Variants in TRIM2 observed in about 807,000 individuals in gnomAD.
TRIM2 encodes tripartite motif containing 2.
A neutral mutation model predicts 75.2 loss-of-function variants in TRIM2; 20 were observed. That is an observed-to-expected ratio of 0.27 (90% CI 0.19 to 0.39). TRIM2 has a LOEUF of 0.39. TRIM2 is among the 10% of genes least tolerant of loss of function. The pLI is 1.00. For missense variants in TRIM2, 660 were observed against 990.8 expected, an observed-to-expected ratio of 0.67 and a Z score of 4.48; for synonymous variants, 373 against 388.3, an observed-to-expected ratio of 0.96 and a Z score of 0.46.
rs752709847 is a variant in TRIM2 at position 153,270,347 on chromosome 4, G to T, written c.43G>T (p.Gly15Trp). ...GRYGTQQQRA[G>W]SKTAGPPCQW... The stretch of plus-strand genomic sequence containing the variant: ...TTCTGTCTGACAGCAGCAGCGTGCA[G>T]GGTCAAAGACAGCCGGCCCCCCATG... The change falls in exon 2 of 12, where the codon GGG (glycine) becomes TGG (tryptophan). Residue 15 changes from glycine (G) to tryptophan (W), a missense_variant. Gly to Trp is a radical substitution (Grantham distance 184). This residue lies in a region of TRIM2 where 620 missense variants were observed against 891.0 expected (regional missense o/e 0.70). Coordinates refer to ENST00000338700, the MANE Select transcript of TRIM2 (RefSeq NM_015271.5). 4 of 1,612,234 alleles carry T rather than the reference G, an allele frequency of 2.5e-6. No homozygotes were observed. Among genetic ancestry groups the T allele is most frequent in the Admixed American group, 3.3e-5 (2 of 59,756 alleles).
In TRIM2 at chr4:153,164,570, C is replaced by T. The variant is rs908962931; in HGVS notation, c.-49+11300C>T. On this transcript the variant is annotated intron_variant, in intron 1 of 11. Coordinates refer to the TRIM2 transcript ENST00000437508. ...CATTCAAGAAAAAAAAAGATAAAAACAATCAAAGTCTCTTTCCTACCCTGG... is the reference window on the plus strand; with the variant it reads ...CATTCAAGAAAAAAAAAGATAAAAATAATCAAAGTCTCTTTCCTACCCTGG... Among the ~76,000 whole-genome samples, 4 of 152,172 alleles carry T rather than the reference C, an allele frequency of 2.6e-5. No individual in the cohort carries two copies. In the East Asian group the frequency reaches 5.8e-4, roughly 22 times the overall value.
chr4:153,278,744 G>A (rs1056595047), intron 3 of TRIM2, among the ~76,000 whole-genome samples: 2 of 150,630 alleles, frequency 1.3e-5, no homozygotes, highest in African/African-American at 4.9e-5. Context: ...GCTTCAGTGA[G>A]CCATGATTGC....
intron 6 of TRIM2, among the ~76,000 whole-genome samples, chr4:153,314,414 C>T (rs1308439560): frequency 1.8e-5 from 2 of 109,610 alleles, no homozygotes; most frequent in Admixed American, 9.2e-5. Flanking sequence ...AGCGAGACTC[C>T]GTCTCAAAAA....
chr4:153,192,902 A>C (rs1221630214), intron 1 of TRIM2, among the ~76,000 whole-genome samples: 2 of 152,186 alleles, frequency 1.3e-5, no homozygotes, highest in Admixed American at 6.5e-5. Context: ...TTTCTGGTTC[A>C]GACCAGCCCA....
chr4:153,338,013 T>C lies in TRIM2; in HGVS notation c.*3047T>C. On this transcript the variant is annotated 3_prime_UTR_variant, in exon 12 of 12. Transcript: ENST00000338700. ...CCATTTTTTTTAATGGTACTTAGTATTTTGATCAAACTTTAGTCTCCAGAA... is the reference window on the plus strand; with the variant it reads ...CCATTTTTTTTAATGGTACTTAGTACTTTGATCAAACTTTAGTCTCCAGAA... 1.0e-6 allele frequency: 1 copy of C among 985,852 alleles called. No individual in the cohort carries two copies. Among genetic ancestry groups the C allele is most frequent in the Non-Finnish European group, 1.2e-6 (1 of 829,920 alleles). 61.1% of individuals were successfully genotyped at this position (985,852 alleles called of 1,614,324 possible). A position where few individuals can be genotyped will look rare whatever the true frequency, so the allele number is the denominator to read the frequency against.
intron 1 of TRIM2, among the ~76,000 whole-genome samples, chr4:153,160,343 C>T (rs1369960345): frequency 2.0e-5 from 3 of 152,162 alleles, no homozygotes; most frequent in Non-Finnish European, 4.4e-5. Flanking sequence ...TAGAAATAAG[C>T]GCTTTTGAGA....
chr4:153,323,408 A>T (rs568926794), intron 9 of TRIM2, among the ~76,000 whole-genome samples: 35 of 152,294 alleles, frequency 2.3e-4, no homozygotes, highest in Middle Eastern at 3.4e-3. Flanking sequence ...ATATTTGTTT[A>T]TGCTTTGTCT....
intron 1 of TRIM2, among the ~76,000 whole-genome samples, chr4:153,254,348 G>A (rs1221382273): frequency 1.3e-5 from 2 of 152,142 alleles, no homozygotes; most frequent in African/African-American, 4.8e-5. Context: ...TACTTCTCCA[G>A]TGCACAAATC....
intron 1 of TRIM2, among the ~76,000 whole-genome samples, chr4:153,197,135 C>T (rs1733862106): frequency 6.6e-6 from 1 of 152,108 alleles, no homozygotes; most frequent in Non-Finnish European, 1.5e-5. Context: ...TTAGGCCTTG[C>T]CACCACTTTC....
chr4:153,170,067 A>G lies in TRIM2; in HGVS notation c.-49+16797A>G, dbSNP rs201380669. Reference sequence around the variant, plus strand: ...TTCAATCCACTGCATAGCAAAATACATGCTGAAGTGAATGGCCTGATTGTT... The same window carrying G: ...TTCAATCCACTGCATAGCAAAATACGTGCTGAAGTGAATGGCCTGATTGTT... On this transcript the variant is annotated intron_variant, in intron 1 of 11. Transcript: ENST00000437508. Among the ~76,000 whole-genome samples the G allele has an allele frequency of 1.2e-4, 19 of 152,334 alleles. No individual in the cohort carries two copies. The East Asian group carries it at 3.5e-3, about 28-fold the overall frequency.
intron 1 of TRIM2, among the ~76,000 whole-genome samples, chr4:153,196,623 G>A (rs950762409): frequency 5.3e-5 from 8 of 152,176 alleles, no homozygotes; most frequent in African/African-American, 1.9e-4. Flanking sequence ...ACTAGGTACT[G>A]CTCACACTTT....
At chr4:153,213,125 T>A (rs1233212207) in intron 1 of TRIM2, among the ~76,000 whole-genome samples, 1 of 152,200 alleles carries the variant, frequency 6.6e-6, no homozygotes, top group Non-Finnish European at 1.5e-5. Context: ...TTTATGTGTA[T>A]GAGCCAGTCA....
chr4:153,179,569 G>C (rs889768365), intron 1 of TRIM2, among the ~76,000 whole-genome samples: 1 of 152,102 alleles, frequency 6.6e-6, no homozygotes, highest in African/African-American at 2.4e-5. Context: ...AGCCCGCACT[G>C]CACAGACTTT....
At chr4:153,276,153 A>G (rs1462093731) in intron 3 of TRIM2, 23 bp downstream of exon 3, 2 of 1,597,490 alleles carry the variant, frequency 1.3e-6, no homozygotes, top group Non-Finnish European at 1.7e-6. Context: ...GATGGCAGAT[A>G]CTGCCCGGGA....
chr4:153,215,191 A>G (rs1738141118), intron 1 of TRIM2, among the ~76,000 whole-genome samples: 1 of 152,162 alleles, frequency 6.6e-6, no homozygotes, highest in South Asian at 2.1e-4. Flanking sequence ...ATGCCTGGCT[A>G]AAGTGCCACT....
At chr4:153,256,323 C>T (rs1168711128) in intron 1 of TRIM2, among the ~76,000 whole-genome samples, 1 of 152,222 alleles carries the variant, frequency 6.6e-6, no homozygotes, top group Admixed American at 6.5e-5. Context: ...CTCTGCAGAG[C>T]TGAGGCCCCT....
intron 9 of TRIM2, 38 bp downstream of exon 9, chr4:153,322,854 GCTT>G (rs1340920674): frequency 7.5e-6 from 12 of 1,610,066 alleles, no homozygotes; most frequent in African/African-American, 1.3e-5. Flanking sequence ...CCTTTTTTAT[GCTT>G]CTTCTGCTCA....
chr4:153,276,789 T>C (rs918745269), intron 3 of TRIM2, among the ~76,000 whole-genome samples: 2 of 152,210 alleles, frequency 1.3e-5, no homozygotes, highest in Admixed American at 6.5e-5. Flanking sequence ...CTTAAACTTA[T>C]TCCCTGTGCC....
At chr4:153,277,021 T>C (rs1420009325) in intron 3 of TRIM2, among the ~76,000 whole-genome samples, 1 of 152,228 alleles carries the variant, frequency 6.6e-6, no homozygotes, top group Non-Finnish European at 1.5e-5. Flanking sequence ...TTGAAACTGC[T>C]TAAAACAAAA....
Sources: allele counts gnomAD v4.1 joint callset (sites outside exome capture counted in the v4.1 genomes callset), GRCh38; gene constraint gnomAD v4.1.1; regional missense constraint gnomAD v4.1.1; transcripts MANE v1.5; gene names NCBI Gene and HGNC (gene_info 2026-07-23, HGNC 2026-07-21).